OSBPL10: variants seen among roughly 807,000 people sequenced by gnomAD.
OSBPL10 encodes oxysterol-binding protein-related protein 10.
In OSBPL10, 49 loss-of-function variants were observed where a neutral mutation model predicts 81.7. The ratio of observed to expected loss-of-function variants is 0.60; its 90% CI spans 0.48 to 0.76. The LOEUF is 0.76. Among genes scored for constraint, OSBPL10 ranks in the 30% least tolerant of loss-of-function variants. OSBPL10 has a pLI of 0.00. For synonymous variants in OSBPL10, 419 were observed against 383.6 expected (o/e 1.09, Z -1.08); for missense variants, 923 against 987.8 (o/e 0.93, Z 0.88).
chr3:31,962,362 G>A (rs1173360769), intron 1 of OSBPL10, among the ~76,000 whole-genome samples: 2 of 152,060 alleles, frequency 1.3e-5, no homozygotes, highest in Non-Finnish European at 2.9e-5. Context: ...CAACAATAAA[G>A]TTATTTCATG....
chr3:32,023,742 G>C (rs1699378552), intron 2 of OSBPL10, among the ~76,000 whole-genome samples: 1 of 152,182 alleles, frequency 6.6e-6, no homozygotes, highest in Non-Finnish European at 1.5e-5. Context: ...TCATCGGCAA[G>C]GGATATATTC....
At chr3:31,681,938 G>A (rs975648510) in intron 8 of OSBPL10, among the ~76,000 whole-genome samples, 1 of 152,084 alleles carries the variant, frequency 6.6e-6, no homozygotes, top group Non-Finnish European at 1.5e-5. Flanking sequence ...TTCCTTCAAA[G>A]TAGCCCAATA....
chr3:32,073,158 C>A (rs1699844315), intron 1 of OSBPL10, among the ~76,000 whole-genome samples: 1 of 152,152 alleles, frequency 6.6e-6, no homozygotes, highest in Admixed American at 6.5e-5. Context: ...TCCATTTGAA[C>A]TTTTATATGG....
chr3:31,913,836 A>T (rs989557369), intron 1 of OSBPL10, among the ~76,000 whole-genome samples: 1 of 152,234 alleles, frequency 6.6e-6, no homozygotes, highest in Non-Finnish European at 1.5e-5. Context: ...ATCTAGGAGA[A>T]TGGGAGAACT....
rs1173927588 is a variant in OSBPL10, at chr3:31,664,143, C to T, written c.2186G>A (p.Arg729Gln). 11 of 1,613,796 alleles carry T rather than the reference C, an allele frequency of 6.8e-6. No individual in the cohort carries two copies. The highest frequency in any genetic ancestry group is 2.2e-5 in the South Asian group (2 of 91,052). Residue 729 changes from arginine to glutamine, a missense_variant, in exon 11 of 12, where the codon CGG becomes CAG. Arg to Gln is a conservative substitution (Grantham distance 43). Transcript: ENST00000396556. Reference protein sequence around the residue: ...EQKRHLEEKQRVEERKRENLR... With the variant: ...EQKRHLEEKQQVEERKRENLR... ...GTTCTCGCGCTTCCGTTCCTCCACC[C>T]GTTGCTTCTCCTCCAGGTGCCGCTT... is the stretch of plus-strand genomic sequence containing the variant.
At chr3:31,933,096 C>T (rs1697293330) in intron 1 of OSBPL10, among the ~76,000 whole-genome samples, 1 of 152,144 alleles carries the variant, frequency 6.6e-6, no homozygotes, top group African/African-American at 2.4e-5. Context: ...AAAGATTTTA[C>T]TGCAGGTTGA....
intron 3 of OSBPL10, among the ~76,000 whole-genome samples, chr3:31,849,784 T>A (rs1400953736): frequency 6.6e-6 from 1 of 152,158 alleles, no homozygotes; most frequent in Non-Finnish European, 1.5e-5. Context: ...ACACCTATAA[T>A]CCCAGCACTT....
At chr3:31,707,713 A>C (rs970900287) in intron 6 of OSBPL10, among the ~76,000 whole-genome samples, 4 of 152,224 alleles carry the variant, frequency 2.6e-5, no homozygotes, top group Admixed American at 2.6e-4. Flanking sequence ...TGTCAGGTAC[A>C]CAGCAGCATG....
rs761593091 is a variant in OSBPL10, at chr3:31,702,515, T to C, written c.1096-7A>G. The C allele has an allele frequency of 6.2e-7, 1 of 1,613,870 alleles. No individual in the cohort carries two copies. The highest frequency in any genetic ancestry group is 8.5e-7 in the Non-Finnish European group (1 of 1,179,978). ...ATTCAGAGCCTGAGTTTGGCTAAAA[T>C]GAAATAATCAATAAAAATCACCAGC... On this transcript the variant is annotated splice_region_variant and splice_polypyrimidine_tract_variant and intron_variant, in intron 6 of 11. Coordinates refer to ENST00000396556, the MANE Select transcript of OSBPL10 (RefSeq NM_017784.5).
intron 2 of OSBPL10, among the ~76,000 whole-genome samples, chr3:32,036,495 C>T (rs1699521241): frequency 1.3e-5 from 2 of 152,114 alleles, no homozygotes; most frequent in South Asian, 2.1e-4. Flanking sequence ...CCTCCAGAAC[C>T]AAATAAAAAA....
chr3:31,664,547 A>C, intron 10 of OSBPL10: 1 of 471,582 alleles, frequency 2.1e-6, no homozygotes, highest in Non-Finnish European at 3.8e-6. Flanking sequence ...GCAGGCACAT[A>C]TGGCATTTGC....
At chr3:31,956,759 T>C (rs1397892494) in intron 1 of OSBPL10, among the ~76,000 whole-genome samples, 1 of 150,982 alleles carries the variant, frequency 6.6e-6, no homozygotes, top group African/African-American at 2.4e-5. Context: ...TCATGGACCC[T>C]GGCCTTGCTC....
At chr3:31,852,819 T>G (rs1407181722) in intron 3 of OSBPL10, among the ~76,000 whole-genome samples, 1 of 152,130 alleles carries the variant, frequency 6.6e-6, no homozygotes, top group African/African-American at 2.4e-5. Context: ...CCTCAAGTGA[T>G]CCGCCTGCCT....
chr3:31,736,389 A>G (rs1048058189), intron 5 of OSBPL10, among the ~76,000 whole-genome samples: 4 of 152,212 alleles, frequency 2.6e-5, no homozygotes, highest in East Asian at 1.9e-4. Context: ...TCACAACACT[A>G]AAACCAAAGG....
rs534628089 is a variant in OSBPL10, at chr3:32,048,418, C to T, written n.186-1815G>A. On this transcript the variant is annotated intron_variant and non_coding_transcript_variant, in intron 1 of 3. Coordinates refer to the OSBPL10 transcript ENST00000479173. ...TGCCTTCCTGGTTCAAGTGATTCGC[C>T]TGCCTCAGCCTCCCAAATAGCTGCG... Among the ~76,000 whole-genome samples the T allele has an allele frequency of 4.6e-5, 7 of 151,958 alleles. No individual in the cohort carries two copies. The South Asian group carries it at 1.5e-3, about 32-fold the overall frequency.
chr3:31,937,111 T>C (rs1697397495), intron 1 of OSBPL10, among the ~76,000 whole-genome samples: 1 of 151,934 alleles, frequency 6.6e-6, no homozygotes, highest in South Asian at 2.1e-4. Flanking sequence ...GGTGAAACCC[T>C]GTCTCTACTA....
chr3:31,767,411 CATAA>C (rs1305375555), intron 4 of OSBPL10, among the ~76,000 whole-genome samples: 1 of 152,202 alleles, frequency 6.6e-6, no homozygotes, highest in African/African-American at 2.4e-5. Flanking sequence ...CCTGCCTCCT[CATAA>C]ATACACTACC....
chr3:31,883,228 G>A (rs1023274604), intron 1 of OSBPL10, among the ~76,000 whole-genome samples: 2 of 144,436 alleles, frequency 1.4e-5, no homozygotes, highest in African/African-American at 5.2e-5. Context: ...CATCCCCTTT[G>A]ACAAGCATGC....
intron 7 of OSBPL10, among the ~76,000 whole-genome samples, chr3:31,693,259 C>CA (rs34289750): frequency 4.7e-4 from 72 of 151,724 alleles, no homozygotes; most frequent in Admixed American, 8.5e-4. Flanking sequence ...TTCCCTTTTA[C>CA]AAAAAAAAGC....
Sources: gnomAD v4.1 joint callset for allele counts (sites outside exome capture counted in the v4.1 genomes callset) on GRCh38, gnomAD v4.1.1 for gene constraint, MANE v1.5 for transcripts, NCBI Gene and HGNC (gene_info 2026-07-23, HGNC 2026-07-21) for gene names.